Variants in WWOX observed in about 807,000 individuals in gnomAD.
WWOX encodes WW domain-containing oxidoreductase.
A neutral mutation model predicts 46.2 loss-of-function variants in WWOX; 69 were observed. The observed-to-expected ratio is 1.49, with a 90% CI of 1.23 to 1.82. The LOEUF is 1.82. Ranked by LOEUF, WWOX falls within the 40% of genes most tolerant of loss-of-function variation. WWOX has a pLI of 0.00. For synonymous variants in WWOX, 359 were observed against 202.6 expected, an observed-to-expected ratio of 1.77 and a Z score of -6.56; for missense variants, 919 against 542.6, an observed-to-expected ratio of 1.69 and a Z score of -6.89.
intron 8 of WWOX, among the ~76,000 whole-genome samples, chr16:78,739,551 C>G (rs1312754845): frequency 3.3e-5 from 5 of 152,258 alleles, no homozygotes; most frequent in Admixed American, 6.5e-5. Flanking sequence ...GTGGCTCACG[C>G]CTGTAATCCA....
At chr16:78,370,958 C>A (rs964495316) in intron 5 of WWOX, among the ~76,000 whole-genome samples, 1 of 145,690 alleles carries the variant, frequency 6.9e-6, no homozygotes, top group African/African-American at 2.5e-5. Flanking sequence ...GGTCAGGTTG[C>A]TCTGAGACTG....
At chr16:78,778,867 C>T (rs2050256946) in intron 8 of WWOX, among the ~76,000 whole-genome samples, 2 of 152,186 alleles carry the variant, frequency 1.3e-5, no homozygotes, top group Admixed American at 6.5e-5. Flanking sequence ...GAAACACCCA[C>T]ATTGACCCAG....
chr16:79,089,155 G>C (rs1597364500), intron 8 of WWOX, among the ~76,000 whole-genome samples: 1 of 152,118 alleles, frequency 6.6e-6, no homozygotes, highest in African/African-American at 2.4e-5. Context: ...ACAGGGCCTA[G>C]CTCTGCCGTT....
At chr16:79,129,846 A>C (rs1265952467) in intron 8 of WWOX, among the ~76,000 whole-genome samples, 1 of 152,190 alleles carries the variant, frequency 6.6e-6, no homozygotes, top group Non-Finnish European at 1.5e-5. Context: ...CCTGGGTCAA[A>C]TTGGTGCTGA....
chr16:79,105,469 A>C (rs1325781131), intron 8 of WWOX, among the ~76,000 whole-genome samples: 2 of 152,076 alleles, frequency 1.3e-5, no homozygotes, highest in African/African-American at 4.8e-5. Flanking sequence ...TACCTAAACC[A>C]ATATCCACAT....
In WWOX at chr16:78,352,163, C is replaced by A. The variant is rs1567517798; in HGVS notation, c.517-34697C>A. 2.6e-5 allele frequency among the ~76,000 whole-genome samples: 4 copies of A among 152,216 alleles called. No individual in the cohort carries two copies. In the South Asian group the frequency reaches 8.3e-4, roughly 32 times the overall value. ...AAATGTGAGCATATGCAGGCCAGAC[C>A]TTGGCTTCTCTGTCTTCATTTTTCA... On this transcript the variant is annotated intron_variant, in intron 5 of 8. Coordinates refer to ENST00000566780, the MANE Select transcript of WWOX (RefSeq NM_016373.4).
chr16:78,472,809 CAAAAAA>C lies in WWOX; in HGVS notation c.1056+40079_1056+40084del, dbSNP rs756666392. ...GGGCGACAAGAGTGAAACTCCATCT[CAAAAAA>C]AAAAAAAAAAAAAAAAAAAAATTAT... On this transcript the variant is annotated intron_variant, in intron 8 of 8. Transcript: ENST00000566780. Among the ~76,000 whole-genome samples, 238 of 50,870 alleles carry C rather than the reference CAAAAAA, an allele frequency of 4.7e-3. 3 individuals are homozygous for C. The highest frequency in any genetic ancestry group is 8.8e-3 in the African/African-American group (209 of 23,854). 33.4% of individuals were successfully genotyped at this position (50,870 alleles called of 152,430 possible). A position where few individuals can be genotyped will look rare whatever the true frequency, so the allele number is the denominator to read the frequency against.
At chr16:78,549,448 A>C (rs1431688999) in intron 8 of WWOX, among the ~76,000 whole-genome samples, 1 of 152,136 alleles carries the variant, frequency 6.6e-6, no homozygotes, top group African/African-American at 2.4e-5. Context: ...TAATCTCTTC[A>C]GGGTTTCCCA....
At chr16:78,966,407 C>T (rs2046363835) in intron 8 of WWOX, among the ~76,000 whole-genome samples, 1 of 152,106 alleles carries the variant, frequency 6.6e-6, no homozygotes, top group Non-Finnish European at 1.5e-5. Flanking sequence ...AGTTTTGGTT[C>T]TGCTTTTGAC....
chr16:78,333,388 T>A (rs1032532504), intron 5 of WWOX, among the ~76,000 whole-genome samples: 1 of 152,130 alleles, frequency 6.6e-6, no homozygotes, highest in African/African-American at 2.4e-5. Flanking sequence ...AAAATTTTAT[T>A]TTAATGTTTA....
intron 5 of WWOX, among the ~76,000 whole-genome samples, chr16:78,182,452 A>G (rs527623101): frequency 1.3e-5 from 2 of 152,048 alleles, no homozygotes; most frequent in East Asian, 3.9e-4. Context: ...TCTGCTTGGA[A>G]GGGTCTCAGC....
chr16:78,414,054 C>G (rs1161601323), intron 6 of WWOX, among the ~76,000 whole-genome samples: 1 of 151,986 alleles, frequency 6.6e-6, no homozygotes, highest in Non-Finnish European at 1.5e-5. Flanking sequence ...CTGCCCCACC[C>G]TAACTGATCA....
rs529493844 is a variant in WWOX, at chr16:78,924,874, G to GT, written c.1057-286733dup. Among the ~76,000 whole-genome samples the GT allele has an allele frequency of 4.2e-3, 636 of 152,290 alleles. 4 individuals carry two copies. Among genetic ancestry groups the GT allele is most frequent in the African/African-American group, 0.013 (538 of 41,564 alleles). On this transcript the variant is annotated intron_variant, in intron 8 of 8. Coordinates refer to ENST00000566780, the MANE Select transcript of WWOX (RefSeq NM_016373.4). ...ATCCTTTATTAGGCTCTAGCACACA[G>GT]TGTGCTCTCAATGTTTGTCTTTTCA...
At chr16:79,016,972 T>G (rs2047426718) in intron 8 of WWOX, 1 of 152,156 alleles carries the variant, frequency 6.6e-6, no homozygotes, top group Non-Finnish European at 1.5e-5. Flanking sequence ...AGTGCTGGCA[T>G]TATGGATGTG....
chr16:78,983,631 T>G (rs182693592), intron 8 of WWOX, among the ~76,000 whole-genome samples: 23 of 152,292 alleles, frequency 1.5e-4, no homozygotes, highest in African/African-American at 5.3e-4. Flanking sequence ...GTGTTAGATT[T>G]GGCCTTGTGA....
chr16:78,508,770 G>A (rs2085281689), intron 8 of WWOX, among the ~76,000 whole-genome samples: 1 of 152,212 alleles, frequency 6.6e-6, no homozygotes, highest in South Asian at 2.1e-4. Context: ...TATGCCTGCA[G>A]CCGATGTCTC....
chr16:78,876,213 T>C (rs977546507), intron 8 of WWOX, among the ~76,000 whole-genome samples: 3 of 152,180 alleles, frequency 2.0e-5, no homozygotes, highest in Admixed American at 2.0e-4. Context: ...TCCTTTCTTT[T>C]TTTTTTTAAT....
chr16:78,847,861 C>G (rs149464189), intron 8 of WWOX, among the ~76,000 whole-genome samples: 66 of 152,288 alleles, frequency 4.3e-4, no homozygotes, highest in Middle Eastern at 3.4e-3. Context: ...CCAGTGGAAT[C>G]TTAGCAGCAG....
intron 7 of WWOX, among the ~76,000 whole-genome samples, chr16:78,425,960 A>AC (rs376706346): frequency 3.9e-4 from 59 of 152,174 alleles, no homozygotes; most frequent in African/African-American, 1.4e-3. Context: ...ATAAAATGTA[A>AC]CCCCTGGGAC....
Sources: allele counts gnomAD v4.1 joint callset (sites outside exome capture counted in the v4.1 genomes callset), GRCh38; gene constraint gnomAD v4.1.1; transcripts MANE v1.5; gene names NCBI Gene and HGNC (gene_info 2026-07-23, HGNC 2026-07-21).